Variants in PKD1L1 observed in about 807,000 individuals in gnomAD.
PKD1L1 encodes polycystin-1-like protein 1.
A neutral mutation model predicts 323.4 loss-of-function variants in PKD1L1; 236 were observed. That is an observed-to-expected ratio of 0.73 (90% CI 0.66 to 0.81). The LOEUF (loss-of-function observed/expected upper bound fraction) is 0.81. Ranked by LOEUF, PKD1L1 falls within the 40% of genes least tolerant of loss-of-function variation. PKD1L1 has a pLI of 0.00. For synonymous variants in PKD1L1, 1,344 were observed against 1,335.0 expected (o/e 1.01, Z -0.15); for missense variants, 3,320 against 3,508.0 (o/e 0.95, Z 1.35).
the PKD1L1 span, among the ~76,000 whole-genome samples, chr7:47,960,036 T>C: frequency 2.0e-5 from 3 of 152,178 alleles, no homozygotes; most frequent in African/African-American, 7.2e-5. Context: ...GAAAAATTAT[T>C]CTGCCTTGTG....
intron 8 of PKD1L1, among the ~76,000 whole-genome samples, chr7:47,914,592 T>A (rs1787389749): frequency 6.6e-6 from 1 of 152,090 alleles, no homozygotes; most frequent in Non-Finnish European, 1.5e-5. Flanking sequence ...CAGGGTTATG[T>A]TTTCCTACTC....
chr7:47,781,409 G>GTTTTTTTTTTTTTTTTTTTTTTTT (rs60759497), intron 56 of PKD1L1, among the ~76,000 whole-genome samples: 2 of 71,776 alleles, frequency 2.8e-5, no homozygotes, highest in Non-Finnish European at 5.8e-5. Flanking sequence ...GTTTTGTTTT[G>GTTTTTTTTTTTTTTTTTTTTTTTT]TTTTTTTTTT....
In PKD1L1 at chr7:47,808,296, C is replaced by T. The variant is rs769786840; in HGVS notation, c.7778G>A (p.Gly2593Glu). The change falls in exon 52 of 57, where the codon GGA (glycine) becomes GAA (glutamate). Residue 2593 changes from glycine to glutamate, a missense_variant. Physicochemically the swap from Gly to Glu is moderately conservative, Grantham distance 98. Coordinates refer to ENST00000289672, the MANE Select transcript of PKD1L1 (RefSeq NM_138295.5). ...AGDVTNQFHR[G>E]LCRAFMDLTL... ...GAGGTCCATAAATGCTCGGCAAAGT[C>T]CTCTGTGAAACTGGTTAGTGACATC... 1 of 1,614,130 alleles carries T rather than the reference C, an allele frequency of 6.2e-7. No individual in the cohort carries two copies. The highest frequency in any genetic ancestry group is 1.3e-5 in the African/African-American group (1 of 75,010).
At chr7:47,885,633 G>C in intron 18 of PKD1L1, 53 bp downstream of exon 18, 1 of 1,554,386 alleles carries the variant, frequency 6.4e-7, no homozygotes, top group Non-Finnish European at 8.7e-7. Context: ...GCTTCCAAAG[G>C]TAACTTTGGT....
At chr7:47,838,481 C>A (rs920456811) in intron 36 of PKD1L1, among the ~76,000 whole-genome samples, 1 of 152,178 alleles carries the variant, frequency 6.6e-6, no homozygotes, top group African/African-American at 2.4e-5. Flanking sequence ...TATAAATGCC[C>A]AACAGGTCTT....
intron 19 of PKD1L1, 77 bp downstream of exon 19, chr7:47,884,521 G>C (rs1468773806): frequency 3.0e-6 from 4 of 1,329,196 alleles, no homozygotes; most frequent in East Asian, 2.3e-5. Context: ...AAGGGAACAG[G>C]TGGGAAATCC....
intron 13 of PKD1L1, among the ~76,000 whole-genome samples, chr7:47,901,017 T>C (rs1249474374): frequency 4.6e-5 from 7 of 152,152 alleles, no homozygotes; most frequent in Admixed American, 1.3e-4. Flanking sequence ...TTTCATTTTT[T>C]TCTTTATACT....
chr7:47,887,859 C>T (rs574073075), intron 17 of PKD1L1, 131 bp downstream of exon 17: 15 of 890,922 alleles, frequency 1.7e-5, no homozygotes, highest in African/African-American at 6.8e-5. Flanking sequence ...TGGGGAAGCA[C>T]GACGGACCGT....
At chr7:47,847,911 G>C (rs955912951) in intron 31 of PKD1L1, among the ~76,000 whole-genome samples, 1 of 151,982 alleles carries the variant, frequency 6.6e-6, no homozygotes, top group Non-Finnish European at 1.5e-5. Flanking sequence ...CATATAAAGA[G>C]CTCTTAAACA....
chr7:47,813,080 T>C, intron 49 of PKD1L1, 41 bp downstream of exon 49: 1 of 1,585,542 alleles, frequency 6.3e-7, no homozygotes, highest in Non-Finnish European at 8.6e-7. Context: ...GGAGTGGCGG[T>C]GGCAGGCAGG....
Position 47,835,287 on chromosome 7 carries a change from T to A in PKD1L1, c.5944-44A>T, listed in dbSNP as rs1449191824. On this transcript the variant is annotated intron_variant, in intron 37 of 56. Transcript: ENST00000289672. The stretch of plus-strand genomic sequence containing the variant: ...AGCCATTACATCAACTCAATATGAG[T>A]CCCGCTTAAAACGCAGTCATTGTGT... 3 of 1,300,662 alleles carry A rather than the reference T, an allele frequency of 2.3e-6. No homozygotes were observed. The South Asian group carries it at 4.1e-5, about 18-fold the overall frequency. The allele number at this position is 1,300,662 out of a possible 1,614,324, so 80.6% of individuals were successfully genotyped here.
intron 24 of PKD1L1, among the ~76,000 whole-genome samples, chr7:47,873,650 A>T (rs1308324952): frequency 1.9e-5 from 1 of 51,836 alleles, no homozygotes; most frequent in Non-Finnish European, 5.0e-5. Context: ...ACTCTGTCTC[A>T]AAAAAAAAAA....
chr7:47,804,936 A>G (rs1474379620), intron 52 of PKD1L1, among the ~76,000 whole-genome samples: 13 of 152,154 alleles, frequency 8.5e-5, no homozygotes, highest in Admixed American at 8.5e-4. Flanking sequence ...CCTCCTGTGG[A>G]CAGAGTGGAA....
At chr7:47,831,097 T>C (rs1583603330) in intron 42 of PKD1L1, 120 bp downstream of exon 42, 2 of 1,281,380 alleles carry the variant, frequency 1.6e-6, no homozygotes, top group East Asian at 2.4e-5. Context: ...AGGGAGAAAA[T>C]AGCAATAGTG....
intron 51 of PKD1L1, among the ~76,000 whole-genome samples, chr7:47,808,870 T>G (rs941340883): frequency 1.3e-5 from 2 of 152,350 alleles, no homozygotes; most frequent in Admixed American, 1.3e-4. Context: ...TGTACGCTAA[T>G]GTAGACTTTA....
intron 46 of PKD1L1, chr7:47,818,241 G>T (rs1251287084): frequency 7.7e-7 from 1 of 1,306,460 alleles, no homozygotes; most frequent in African/African-American, 1.5e-5. Context: ...AGGAAAGGAA[G>T]AATGAGCCAG....
At chr7:47,797,991 T>A (rs1436102068) in intron 54 of PKD1L1, among the ~76,000 whole-genome samples, 2 of 152,214 alleles carry the variant, frequency 1.3e-5, no homozygotes, top group Admixed American at 6.5e-5. Flanking sequence ...CAAAAAAGCT[T>A]AATATTATTA....
intron 24 of PKD1L1, among the ~76,000 whole-genome samples, chr7:47,872,266 G>C (rs947974003): frequency 6.6e-6 from 1 of 152,164 alleles, no homozygotes; most frequent in Non-Finnish European, 1.5e-5. Context: ...TGCCTGTGCT[G>C]CTTTGTTTTT....
chr7:47,936,879 T>C lies in PKD1L1; in HGVS notation c.365A>G (p.Gln122Arg), dbSNP rs760162444. Reference protein sequence around the residue: ...KTQAVVNEKTQAPLDCDNSAD... With the variant: ...KTQAVVNEKTRAPLDCDNSAD... ...ACTGTTATCACAATCCAGAGGCGCC[T>C]GTGTTTTTTCATTAACAACAGCCTG... Residue 122 changes from glutamine (Q) to arginine (R), a missense_variant, in exon 4 of 57, where the codon CAG (glutamine) becomes CGG (arginine). Gln to Arg is a conservative substitution (Grantham distance 43). Coordinates refer to ENST00000289672, the MANE Select transcript of PKD1L1 (RefSeq NM_138295.5). 6 of 1,613,374 alleles carry C rather than the reference T, an allele frequency of 3.7e-6. No homozygotes were observed. Among genetic ancestry groups the C allele is most frequent in the Non-Finnish European group, 5.1e-6 (6 of 1,179,882 alleles).
Sources: gnomAD v4.1 joint callset for allele counts (sites outside exome capture counted in the v4.1 genomes callset) on GRCh38, gnomAD v4.1.1 for gene constraint, MANE v1.5 for transcripts, NCBI Gene and HGNC (gene_info 2026-07-23, HGNC 2026-07-21) for gene names.